ABLIM3: variants seen among roughly 807,000 people sequenced by gnomAD.
The protein encoded by ABLIM3 is actin binding LIM protein family member 3.
A neutral mutation model predicts 109.5 loss-of-function variants in ABLIM3; 61 were observed. The observed-to-expected ratio is 0.56, with a 90% confidence interval of 0.45 to 0.69. ABLIM3 has a LOEUF of 0.69. ABLIM3 is among the 30% of genes least tolerant of loss of function. ABLIM3 has a pLI of 0.00. For synonymous variants in ABLIM3, 300 were observed against 324.8 expected, an observed-to-expected ratio of 0.92 and a Z score of 0.82; for missense variants, 796 against 889.5, an observed-to-expected ratio of 0.89 and a Z score of 1.34.
intron 2 of ABLIM3, among the ~76,000 whole-genome samples, chr5:149,165,875 G>A (rs1392202126): frequency 6.6e-6 from 1 of 152,144 alleles, no homozygotes; most frequent in East Asian, 1.9e-4. Context: ...TCCTGACTAT[G>A]CTATTGAATA....
At position 149,142,104 on chromosome 5, in the gene ABLIM3, T is replaced by C. The variant is rs1363675321; in HGVS notation, c.9T>C (p.Thr3=). MN[T]SIPYQQNPYN... ...AGTGCAAAGACATCACCATGAACAC[T>C]AGCAGTAAGTGGATCCTCCTCTCCT... The change falls in exon 2 of 24, where the codon ACT becomes ACC. Residue 3 remains threonine (T), a synonymous_variant. Transcript: ENST00000309868. The C allele has an allele frequency of 3.1e-6, 5 of 1,609,218 alleles. No individual in the cohort carries two copies. Among genetic ancestry groups the C allele is most frequent in the African/African-American group, 2.7e-5 (2 of 72,830 alleles).
chr5:149,197,780 C>G (rs1470878819), intron 3 of ABLIM3, among the ~76,000 whole-genome samples: 2 of 152,206 alleles, frequency 1.3e-5, no homozygotes, highest in Non-Finnish European at 2.9e-5. Context: ...CTTGCGTGAG[C>G]CACATGGCAT....
intron 2 of ABLIM3, among the ~76,000 whole-genome samples, chr5:149,161,793 AT>A (rs1754394196): frequency 1.3e-5 from 2 of 151,782 alleles, no homozygotes; most frequent in Admixed American, 6.6e-5. Context: ...TGTAATAGTC[AT>A]TTTTTCTGCC....
Position 149,242,534 on chromosome 5 carries a change from G to A in ABLIM3, c.1347G>A (p.Arg449=). 6.2e-7 allele frequency: 1 copy of A among 1,614,106 alleles called. No individual in the cohort carries two copies. The highest frequency in any genetic ancestry group is 1.1e-5 in the South Asian group (1 of 91,076). The change falls in exon 15 of 24, where the codon CGG becomes CGA. Residue 449 remains arginine, a synonymous_variant. Coordinates refer to ENST00000309868, the MANE Select transcript of ABLIM3 (RefSeq NM_014945.5). Reference sequence around the variant, plus strand: ...ACCGGAAACCCCCGATCTACAAACGGCATGGTATGGTCAGAGGTAGATAGG... The same window carrying A: ...ACCGGAAACCCCCGATCTACAAACGACATGGTATGGTCAGAGGTAGATAGG... The part of the protein sequence containing the change: ...NIYRKPPIYK[R]HGDLSTATKS...
chr5:149,252,171 CTGTG>C, intron 21 of ABLIM3, 26 bp from the exon 22 acceptor site: 3 of 1,613,258 alleles, frequency 1.9e-6, no homozygotes, highest in Non-Finnish European at 2.5e-6. Flanking sequence ...GGGCTCCATT[CTGTG>C]TGTGTGTCTC....
At position 149,251,381 on chromosome 5, in the gene ABLIM3, A is replaced by G. The variant is rs1310554734; in HGVS notation, c.1811A>G (p.His604Arg). Residue 604 changes from histidine to arginine, a missense_variant, in exon 21 of 24, where the codon CAC becomes CGC. His to Arg is a conservative substitution (Grantham distance 29). Coordinates refer to ENST00000309868, the MANE Select transcript of ABLIM3 (RefSeq NM_014945.5). ...CAGACACCCAGCGCAGACCTCTTCCACTACGACAGCATGAACGCAGTCAAC... is the reference window on the plus strand; with the variant it reads ...CAGACACCCAGCGCAGACCTCTTCCGCTACGACAGCATGAACGCAGTCAAC... ...LHRTPSADLF[H>R]YDSMNAVNWG... The G allele has an allele frequency of 9.3e-6, 15 of 1,614,154 alleles. No individual in the cohort carries two copies. Among genetic ancestry groups the G allele is most frequent in the East Asian group, 2.2e-5 (1 of 44,866 alleles).
rs528998811 is a variant in ABLIM3 at position 149,240,013 on chromosome 5, G to T, written c.1204+125G>T. On this transcript the variant is annotated intron_variant, in intron 13 of 23. Coordinates refer to ENST00000309868, the MANE Select transcript of ABLIM3 (RefSeq NM_014945.5). Reference sequence around the variant, plus strand: ...TCCATCACAGTGTGGCCCTCTGGAGGCCTATGGCCACCCAGGTGACCAGCT... The same window carrying T: ...TCCATCACAGTGTGGCCCTCTGGAGTCCTATGGCCACCCAGGTGACCAGCT... The T allele has an allele frequency of 1.5e-4, 202 of 1,361,386 alleles. 3 individuals are homozygous for T. The South Asian group carries it at 3.3e-3, about 22-fold the overall frequency. 84.3% of individuals were successfully genotyped at this position (1,361,386 alleles called of 1,614,324 possible). A position where few individuals can be genotyped will look rare whatever the true frequency, so the allele number is the denominator to read the frequency against.
intron 9 of ABLIM3, among the ~76,000 whole-genome samples, chr5:149,233,013 C>T (rs1305061572): frequency 6.6e-6 from 1 of 151,870 alleles, no homozygotes; most frequent in Non-Finnish European, 1.5e-5. Context: ...AAAATAAATC[C>T]ATATTCCACC....
intron 8 of ABLIM3, among the ~76,000 whole-genome samples, chr5:149,228,148 G>C (rs1254973308): frequency 6.6e-6 from 1 of 152,134 alleles, no homozygotes; most frequent in East Asian, 1.9e-4. Context: ...TTAGGGACAA[G>C]GGCTTACTGT....
chr5:149,199,392 A>T (rs1313355779), intron 4 of ABLIM3, among the ~76,000 whole-genome samples: 1 of 152,196 alleles, frequency 6.6e-6, no homozygotes, highest in Non-Finnish European at 1.5e-5. Context: ...TGTGTAAGAA[A>T]ACATAATCCC....
chr5:149,169,786 C>T (rs1755200956), intron 2 of ABLIM3, among the ~76,000 whole-genome samples: 1 of 152,166 alleles, frequency 6.6e-6, no homozygotes, highest in Admixed American at 6.5e-5. Context: ...CCTGGTTCAC[C>T]ATTCTATCTT....
At chr5:149,151,529 T>C (rs555526241) in intron 2 of ABLIM3, among the ~76,000 whole-genome samples, 1 of 152,360 alleles carries the variant, frequency 6.6e-6, no homozygotes, top group African/African-American at 2.4e-5. Context: ...TAACAGTTGG[T>C]TACTAAATGC....
intron 8 of ABLIM3, chr5:149,217,293 T>C: frequency 3.7e-6 from 2 of 542,048 alleles, no homozygotes; most frequent in South Asian, 4.1e-5. Context: ...CCAGCTGGAC[T>C]GCTTCCCTGG....
chr5:149,170,228 T>TTCTTTCTCTC, intron 2 of ABLIM3, among the ~76,000 whole-genome samples: 1 of 124,662 alleles, frequency 8.0e-6, no homozygotes, highest in East Asian at 2.6e-4. Context: ...AGGGTTCTGT[T>TTCTTTCTCTC]TCTCTCTCTC....
At chr5:149,239,633 T>C in intron 12 of ABLIM3, 126 bp from the exon 13 acceptor site, 1 of 1,285,128 alleles carries the variant, frequency 7.8e-7, no homozygotes, top group Non-Finnish European at 1.1e-6. Flanking sequence ...AGGAGGGGGG[T>C]CTCTGTATTC....
chr5:149,197,414 C>T (rs4705332), intron 3 of ABLIM3, among the ~76,000 whole-genome samples: 101,170 of 151,964 alleles, frequency 0.67, 33,856 homozygotes, highest in African/African-American at 0.72. Context: ...CTACCTCATT[C>T]ACAGTCCTTA....
At chr5:149,163,170 G>A (rs1050738691) in intron 2 of ABLIM3, among the ~76,000 whole-genome samples, 1 of 152,194 alleles carries the variant, frequency 6.6e-6, no homozygotes, top group Admixed American at 6.5e-5. Flanking sequence ...TCCGGGTTAA[G>A]CATCATCAGA....
intron 11 of ABLIM3, among the ~76,000 whole-genome samples, 197 bp downstream of exon 11, chr5:149,237,800 C>T (rs2127555585): frequency 6.6e-6 from 1 of 152,224 alleles, no homozygotes. Context: ...AAATCAGAGC[C>T]GACAACCTTA....
At chr5:149,251,297 G>A in intron 20 of ABLIM3, 62 bp from the exon 21 acceptor site, 2 of 1,596,036 alleles carry the variant, frequency 1.3e-6, no homozygotes, top group Non-Finnish European at 1.7e-6. Context: ...AGGTGGGTGA[G>A]TGCTTCAGGG....
Sources: allele counts gnomAD v4.1 joint callset (sites outside exome capture counted in the v4.1 genomes callset), GRCh38; gene constraint gnomAD v4.1.1; transcripts MANE v1.5; gene names NCBI Gene and HGNC (gene_info 2026-07-23, HGNC 2026-07-21).